Variants in KCNT2 observed in about 807,000 individuals in gnomAD.
KCNT2 encodes potassium sodium-activated channel subfamily T member 2.
KCNT2 carries 67 observed loss-of-function variants against 153.8 expected under a neutral mutation model. The ratio of observed to expected loss-of-function variants is 0.44; its 90% confidence interval spans 0.36 to 0.53. KCNT2 has a LOEUF of 0.53. KCNT2 is among the 20% of genes least tolerant of loss of function. The pLI, the probability that KCNT2 is intolerant of heterozygous loss-of-function variation, is 0.00. For synonymous variants in KCNT2, 500 were observed against 458.8 expected, an observed-to-expected ratio of 1.09 and a Z score of -1.15; for missense variants, 975 against 1,354.8, an observed-to-expected ratio of 0.72 and a Z score of 4.40.
intron 1 of KCNT2, among the ~76,000 whole-genome samples, chr1:196,577,783 A>G (rs2148966662): frequency 6.6e-6 from 1 of 152,288 alleles, no homozygotes; most frequent in Non-Finnish European, 1.5e-5. Flanking sequence ...GCAAGACCTA[A>G]AAGGATCAAA....
At chr1:196,500,716 G>A (rs938900407) in intron 1 of KCNT2, among the ~76,000 whole-genome samples, 2 of 152,026 alleles carry the variant, frequency 1.3e-5, no homozygotes, top group African/African-American at 2.4e-5. Flanking sequence ...TTAATTAAAC[G>A]AAAACTCTTC....
At position 196,351,807 on chromosome 1, in the gene KCNT2, T is replaced by C. The variant is rs564471825; in HGVS notation, c.1404-9579A>G. ...CAGTTTTCAAAGGGAATGCTTCCAG[T>C]TTTTGCCCATTCAGTATGATATTGG... On this transcript the variant is annotated intron_variant, in intron 14 of 27. Transcript: ENST00000294725. Among the ~76,000 whole-genome samples, 14 of 152,260 alleles carry C rather than the reference T, an allele frequency of 9.2e-5. No individual in the cohort carries two copies. The South Asian group carries it at 2.7e-3, about 29-fold the overall frequency.
intron 18 of KCNT2, among the ~76,000 whole-genome samples, chr1:196,329,140 C>A (rs1343068112): frequency 6.6e-6 from 1 of 151,934 alleles, no homozygotes; most frequent in East Asian, 1.9e-4. Context: ...GGACACCAGC[C>A]CCACTGATAC....
intron 1 of KCNT2, among the ~76,000 whole-genome samples, chr1:196,541,977 C>A (rs780250221): frequency 1.3e-5 from 2 of 151,250 alleles, no homozygotes; most frequent in Non-Finnish European, 2.9e-5. Flanking sequence ...GTGTCTAGCA[C>A]CTAAAAAATT....
At chr1:196,434,782 T>C (rs1053491974) in intron 8 of KCNT2, among the ~76,000 whole-genome samples, 9 of 151,914 alleles carry the variant, frequency 5.9e-5, no homozygotes, top group African/African-American at 2.2e-4. Context: ...TTGCAGATGC[T>C]AAGCCTTAAG....
Position 196,470,833 on chromosome 1 carries a change from G to T in KCNT2, c.385-1765C>A, listed in dbSNP as rs116824488. On this transcript the variant is annotated intron_variant, in intron 5 of 27. Transcript: ENST00000294725. ...GATAGGGAGAAGCCATCTTAAAGGA[G>T]AATTTTAAATTTTTGCATATATTGA... 1.2e-3 allele frequency among the ~76,000 whole-genome samples: 176 copies of T among 151,266 alleles called. 1 individual carries two copies. Among genetic ancestry groups the T allele is most frequent in the African/African-American group, 4.2e-3 (173 of 41,252 alleles).
At chr1:196,236,204 G>A (rs1654422363) in intron 26 of KCNT2, 134 bp from the exon 27 acceptor site, 1 of 609,512 alleles carries the variant, frequency 1.6e-6, no homozygotes, top group East Asian at 2.7e-5. Flanking sequence ...GCATGATTGT[G>A]CACATAAGTT....
At chr1:196,287,652 A>C (rs1462839514) in intron 22 of KCNT2, among the ~76,000 whole-genome samples, 3 of 152,084 alleles carry the variant, frequency 2.0e-5, no homozygotes, top group African/African-American at 7.2e-5. Flanking sequence ...TCCATTCACT[A>C]TTAAAGTCCC....
At chr1:196,269,618 G>T (rs1346936224) in intron 25 of KCNT2, among the ~76,000 whole-genome samples, 3 of 152,068 alleles carry the variant, frequency 2.0e-5, no homozygotes, top group African/African-American at 7.2e-5. Context: ...ATGAAATGAG[G>T]TGTTGGATAT....
At chr1:196,453,667 T>A (rs1676408660) in intron 8 of KCNT2, among the ~76,000 whole-genome samples, 1 of 151,990 alleles carries the variant, frequency 6.6e-6, no homozygotes. Context: ...TCATGCCACA[T>A]CCAATGGGGG....
rs1677528389 is a variant in KCNT2, at chr1:196,465,454, T to C, written c.544-67A>G. 17 of 845,536 alleles carry C rather than the reference T, an allele frequency of 2.0e-5. No individual in the cohort carries two copies. The South Asian group carries it at 2.2e-4, about 11-fold the overall frequency. 52.4% of individuals were successfully genotyped at this position (845,536 alleles called of 1,614,324 possible). On this transcript the variant is annotated intron_variant, in intron 7 of 27. Coordinates refer to ENST00000294725, the MANE Select transcript of KCNT2 (RefSeq NM_198503.5). ...CTAAATATGCATGAGTTTCATTACA[T>C]TTATTAGCATACATTTCATGTCAAC...
chr1:196,228,340 T>C lies in KCNT2; in HGVS notation c.3297-5A>G, dbSNP rs764630850. On this transcript the variant is annotated splice_polypyrimidine_tract_variant and splice_region_variant and intron_variant, in intron 27 of 27. Transcript: ENST00000294725. ...GGATCTGGTCGAATTAAGTATCTAATAAAAGAAAACAAAATAAATAACTTT... is the reference window on the plus strand; with the variant it reads ...GGATCTGGTCGAATTAAGTATCTAACAAAAGAAAACAAAATAAATAACTTT... 3 of 1,517,594 alleles carry C rather than the reference T, an allele frequency of 2.0e-6. No homozygotes were observed. In the Admixed American group the frequency reaches 5.3e-5, roughly 27 times the overall value. 94.0% of individuals were successfully genotyped at this position (1,517,594 alleles called of 1,614,324 possible).
chr1:196,319,734 A>C (rs376055516), intron 19 of KCNT2, among the ~76,000 whole-genome samples, 179 bp from the exon 20 acceptor site: 1 of 151,818 alleles, frequency 6.6e-6, no homozygotes, highest in Non-Finnish European at 1.5e-5. Flanking sequence ...ACTTGTTATG[A>C]ATCATAAAAT....
At chr1:196,445,669 C>A (rs552121284) in intron 8 of KCNT2, among the ~76,000 whole-genome samples, 1 of 151,344 alleles carries the variant, frequency 6.6e-6, no homozygotes, top group African/African-American at 2.4e-5. Flanking sequence ...TTAAAATCAA[C>A]TGAAAAATTT....
At chr1:196,530,255 T>C (rs1654770605) in intron 1 of KCNT2, among the ~76,000 whole-genome samples, 2 of 152,070 alleles carry the variant, frequency 1.3e-5, no homozygotes, top group South Asian at 4.1e-4. Flanking sequence ...GATTTAAAAT[T>C]TAGATGATGA....
At chr1:196,506,358 C>G (rs996057149) in intron 1 of KCNT2, among the ~76,000 whole-genome samples, 2 of 152,002 alleles carry the variant, frequency 1.3e-5, no homozygotes, top group East Asian at 1.9e-4. Flanking sequence ...CTAAAATAAA[C>G]GTATAATTGG....
intron 13 of KCNT2, 102 bp downstream of exon 13, chr1:196,398,461 T>A: frequency 1.7e-6 from 1 of 578,326 alleles, no homozygotes; most frequent in African/African-American, 1.9e-5. Flanking sequence ...TTCTTTAGAA[T>A]CTTGAATACT....
At chr1:196,551,218 T>C (rs963111075) in intron 1 of KCNT2, among the ~76,000 whole-genome samples, 2 of 151,876 alleles carry the variant, frequency 1.3e-5, no homozygotes, top group African/African-American at 4.8e-5. Context: ...CTGTGACTTC[T>C]GTTGAATTGT....
At chr1:196,447,058 T>C (rs556014112) in intron 8 of KCNT2, among the ~76,000 whole-genome samples, 13 of 151,720 alleles carry the variant, frequency 8.6e-5, no homozygotes, top group African/African-American at 2.7e-4. Flanking sequence ...TGGATGAAAT[T>C]GAACTTAAAG....
Sources: allele counts gnomAD v4.1 joint callset (sites outside exome capture counted in the v4.1 genomes callset), GRCh38; gene constraint gnomAD v4.1.1; transcripts MANE v1.5; gene names NCBI Gene and HGNC (gene_info 2026-07-23, HGNC 2026-07-21).